The following SAMD13 variants were observed in gnomAD, a reference collection of about 807,000 sequenced individuals.
SAMD13 encodes the protein sterile alpha motif domain-containing protein 13.
Under a neutral mutation model 12.4 loss-of-function variants are expected in SAMD13, and 9 were observed. The observed-to-expected ratio is 0.72, with a 90% CI of 0.44 to 1.26. The LOEUF is 1.26. SAMD13 is among the 50% of genes most tolerant of loss of function. The pLI is 0.00. For synonymous variants in SAMD13, 46 were observed against 45.4 expected, an observed-to-expected ratio of 1.01 and a Z score of -0.05; for missense variants, 84 against 119.6, an observed-to-expected ratio of 0.70 and a Z score of 1.39.
chr1:84,299,357 A>G (rs889756090), upstream of SAMD13, among the ~76,000 whole-genome samples: 8 of 152,216 alleles, frequency 5.3e-5, no homozygotes, highest in Non-Finnish European at 1.2e-4. Context: ...GTTCTGCTCC[A>G]GAATACTGAC....
At chr1:84,303,362 C>T in intron 2 of SAMD13, 75 bp downstream of exon 2, 1 of 1,216,776 alleles carries the variant, frequency 8.2e-7, no homozygotes, top group Non-Finnish European at 1.2e-6. Flanking sequence ...GTACTTCTTG[C>T]TTATCTACTA....
At chr1:84,312,633 G>C (rs1678739964) in intron 2 of SAMD13, among the ~76,000 whole-genome samples, 1 of 152,050 alleles carries the variant, frequency 6.6e-6, no homozygotes, top group South Asian at 2.1e-4. Context: ...TACTACCAGA[G>C]AGGACACATG....
chr1:84,313,469 C>T (rs914252664), intron 2 of SAMD13, among the ~76,000 whole-genome samples: 1 of 152,062 alleles, frequency 6.6e-6, no homozygotes, highest in African/African-American at 2.4e-5. Context: ...CATGAGAATT[C>T]AATTTTTTTT....
At chr1:84,318,670 G>A (rs1157178361) in intron 2 of SAMD13, among the ~76,000 whole-genome samples, 1 of 152,024 alleles carries the variant, frequency 6.6e-6, no homozygotes, top group Non-Finnish European at 1.5e-5. Flanking sequence ...ATGGTTTCTT[G>A]AATATTGATA....
At chr1:84,326,471 G>A (rs555329813) in intron 3 of SAMD13, among the ~76,000 whole-genome samples, 10 of 152,116 alleles carry the variant, frequency 6.6e-5, no homozygotes, top group Non-Finnish European at 1.5e-4. Flanking sequence ...GAAAGTGGCA[G>A]GAGTCCATCC....
chr1:84,344,958 T>G lies in SAMD13; in HGVS notation c.166-4673T>G, dbSNP rs1297087132. The G allele has an allele frequency of 6.6e-6, 3 of 456,754 alleles. No homozygotes were observed. In the East Asian group the frequency reaches 2.1e-4, roughly 32 times the overall value. 28.3% of individuals were successfully genotyped at this position (456,754 alleles called of 1,614,324 possible). A position where few individuals can be genotyped will look rare whatever the true frequency, so the allele number is the denominator to read the frequency against. On this transcript the variant is annotated intron_variant, in intron 3 of 3. Coordinates refer to ENST00000394834, the MANE Select transcript of SAMD13 (RefSeq NM_001134663.2). The stretch of plus-strand genomic sequence containing the variant: ...CATTTGGAGGAGGAACTATGCATTC[T>G]CAGGATTCTCAGGTGATGATTTTTC...
chr1:84,327,302 A>G (rs1679079771), intron 3 of SAMD13, among the ~76,000 whole-genome samples: 1 of 152,224 alleles, frequency 6.6e-6, no homozygotes, highest in Non-Finnish European at 1.5e-5. Flanking sequence ...ATGAGTCTCA[A>G]AAACATATTA....
intron 2 of SAMD13, among the ~76,000 whole-genome samples, chr1:84,308,202 T>G (rs75631326): frequency 0.07 from 10,642 of 152,262 alleles, 425 homozygotes; most frequent in South Asian, 0.085. Context: ...GAGTAAATAT[T>G]GCCCCCATTA....
intron 2 of SAMD13, among the ~76,000 whole-genome samples, chr1:84,320,544 ATGCTCATTTAGT>A (rs1423482471): frequency 2.0e-5 from 3 of 152,232 alleles, no homozygotes; most frequent in Non-Finnish European, 4.4e-5. Flanking sequence ...AATAACGCTA[ATGCTCATTTAGT>A]TGCTTCATCC....
intron 2 of SAMD13, among the ~76,000 whole-genome samples, chr1:84,323,271 G>A (rs1056405553): frequency 6.6e-6 from 1 of 152,118 alleles, no homozygotes; most frequent in East Asian, 1.9e-4. Context: ...TATGTTGCTA[G>A]TGTATGGAAA....
At chr1:84,304,940 G>A (rs2101786459) in intron 2 of SAMD13, among the ~76,000 whole-genome samples, 1 of 152,102 alleles carries the variant, frequency 6.6e-6, no homozygotes, top group Non-Finnish European at 1.5e-5. Flanking sequence ...CATTTGAATT[G>A]TTTCTGTTTC....
At chr1:84,301,539 T>C (rs1384273146), upstream of SAMD13, 3 of 869,022 alleles carry the variant, frequency 3.5e-6, no homozygotes, top group African/African-American at 5.5e-5. Context: ...CTTGCACTAA[T>C]TGTGCTGAAG....
intron 2 of SAMD13, chr1:84,303,635 T>A: frequency 5.8e-6 from 1 of 172,126 alleles, no homozygotes; most frequent in Non-Finnish European, 1.3e-5. Flanking sequence ...AAAATAGAGT[T>A]CAAATTTTTT....
At chr1:84,313,839 G>T (rs1054663396) in intron 2 of SAMD13, among the ~76,000 whole-genome samples, 1 of 152,040 alleles carries the variant, frequency 6.6e-6, no homozygotes, top group Non-Finnish European at 1.5e-5. Context: ...AAAAATTTTG[G>T]AACTAACATT....
chr1:84,338,108 C>T (rs1679341331), intron 3 of SAMD13, among the ~76,000 whole-genome samples: 1 of 152,184 alleles, frequency 6.6e-6, no homozygotes, highest in Non-Finnish European at 1.5e-5. Context: ...TTCAAACTTT[C>T]CCACATTTTC....
At chr1:84,337,780 T>C (rs989466595) in intron 3 of SAMD13, among the ~76,000 whole-genome samples, 1 of 152,226 alleles carries the variant, frequency 6.6e-6, no homozygotes, top group African/African-American at 2.4e-5. Context: ...GTGCAAATTT[T>C]CTGAACTTTT....
At chr1:84,309,361 A>C (rs527783637) in intron 2 of SAMD13, among the ~76,000 whole-genome samples, 144 of 152,312 alleles carry the variant, frequency 9.5e-4, no homozygotes, top group Non-Finnish European at 1.3e-3. Context: ...AGAGGAGGAA[A>C]AGGATAATTG....
At position 84,350,407 on chromosome 1, in the gene SAMD13, C is replaced by T. The variant is rs1346609381; in HGVS notation, c.*633C>T. The T allele has an allele frequency of 1.3e-5, 2 of 152,270 alleles. No homozygotes were observed. The highest frequency in any genetic ancestry group is 2.9e-5 in the Non-Finnish European group (2 of 68,026). The allele number at this position is 152,270 out of a possible 1,614,324, so 9.4% of individuals were successfully genotyped here. A position where few individuals can be genotyped will look rare whatever the true frequency, so the allele number is the denominator to read the frequency against. ...AGCTCCGTTGTGTACTGAGGATATC[C>T]ATCCATATTCAGCTAGCTTTCAAAT... On this transcript the variant is annotated 3_prime_UTR_variant, in exon 4 of 4. Transcript: ENST00000394834.
chr1:84,299,218 T>C (rs1572683624), upstream of SAMD13, among the ~76,000 whole-genome samples: 1 of 152,054 alleles, frequency 6.6e-6, no homozygotes, highest in Admixed American at 6.5e-5. Flanking sequence ...GCTGGCTCCC[T>C]AGGCGAGTCC....
Sources: gnomAD v4.1 joint callset for allele counts (sites outside exome capture counted in the v4.1 genomes callset) on GRCh38, gnomAD v4.1.1 for gene constraint, MANE v1.5 for transcripts, NCBI Gene and HGNC (gene_info 2026-07-23, HGNC 2026-07-21) for gene names.